The following CRTC3 variants were observed in gnomAD, a reference collection of about 807,000 sequenced individuals.
CRTC3 encodes CREB regulated transcription coactivator 3.
CRTC3 carries 26 observed loss-of-function variants against 74.5 expected under a neutral mutation model. The ratio of observed to expected loss-of-function variants is 0.35; its 90% CI spans 0.26 to 0.48. The LOEUF (loss-of-function observed/expected upper bound fraction) is 0.48, where lower values mean the gene tolerates loss of function less well. Among genes scored for constraint, CRTC3 ranks in the 20% least tolerant of loss-of-function variants. The pLI, the probability that CRTC3 is intolerant of heterozygous loss-of-function variation, is 0.99. For synonymous variants in CRTC3, 377 were observed against 325.8 expected (o/e 1.16, Z -1.69); for missense variants, 760 against 787.3 (o/e 0.97, Z 0.41).
chr15:90,608,128 T>C (rs1243270361), intron 6 of CRTC3, among the ~76,000 whole-genome samples: 1 of 152,096 alleles, frequency 6.6e-6, no homozygotes, highest in African/African-American at 2.4e-5. Flanking sequence ...ACCTGCTCAG[T>C]TGCCCCCTGG....
At chr15:90,564,324 A>G (rs1209018718) in intron 2 of CRTC3, among the ~76,000 whole-genome samples, 1 of 152,152 alleles carries the variant, frequency 6.6e-6, no homozygotes, top group Non-Finnish European at 1.5e-5. Context: ...AAAAGAAACC[A>G]TTTCCTGATT....
chr15:90,559,051 C>G (rs983377740), intron 2 of CRTC3, among the ~76,000 whole-genome samples: 10 of 152,070 alleles, frequency 6.6e-5, no homozygotes, highest in South Asian at 4.1e-4. Context: ...CGCGCCTGTC[C>G]TACTATGTAT....
At chr15:90,586,127 GT>G (rs1053007586) in intron 2 of CRTC3, among the ~76,000 whole-genome samples, 20 of 152,260 alleles carry the variant, frequency 1.3e-4, no homozygotes, top group African/African-American at 4.8e-4. Flanking sequence ...TCTTGCAGGA[GT>G]TTTATCACTT....
intron 10 of CRTC3, among the ~76,000 whole-genome samples, chr15:90,627,237 G>GT (rs1247027604): frequency 2.6e-5 from 4 of 152,222 alleles, no homozygotes; most frequent in Non-Finnish European, 4.4e-5. Flanking sequence ...CTTTATTTTT[G>GT]TTTTTTGGGT....
Position 90,644,874 on chromosome 15 carries a change from C to A in CRTC3, c.*2734C>A, listed in dbSNP as rs922063983. On this transcript the variant is annotated 3_prime_UTR_variant, in exon 15 of 15. Transcript: ENST00000268184. ...AAGAAATCGACCATTGTACTACTCT[C>A]ACTTACAGCAGTTAAACAGCATAGA... The A allele has an allele frequency of 2.6e-5, 6 of 232,326 alleles. No homozygotes were observed. Among genetic ancestry groups the A allele is most frequent in the Non-Finnish European group, 4.3e-5 (5 of 117,500 alleles). The allele number at this position is 232,326 out of a possible 1,614,324, so 14.4% of individuals were successfully genotyped here.
chr15:90,555,252 A>G (rs1966878365), intron 2 of CRTC3, among the ~76,000 whole-genome samples: 1 of 152,170 alleles, frequency 6.6e-6, no homozygotes, highest in African/African-American at 2.4e-5. Context: ...ATCTTGCCTA[A>G]ACATATATAG....
At chr15:90,627,004 T>C (rs1968860293) in intron 10 of CRTC3, among the ~76,000 whole-genome samples, 3 of 152,218 alleles carry the variant, frequency 2.0e-5, no homozygotes, top group Admixed American at 1.3e-4. Flanking sequence ...CAGAATTGTG[T>C]TGTGGAGCAT....
intron 2 of CRTC3, among the ~76,000 whole-genome samples, chr15:90,567,727 C>T (rs892812774): frequency 1.5e-5 from 1 of 65,742 alleles, no homozygotes; most frequent in African/African-American, 4.0e-5. Flanking sequence ...AAATATCACT[C>T]CTCGTTGACA....
chr15:90,597,434 C>T (rs1323932668), intron 3 of CRTC3, among the ~76,000 whole-genome samples: 2 of 152,170 alleles, frequency 1.3e-5, no homozygotes, highest in Non-Finnish European at 2.9e-5. Flanking sequence ...TGAAGAGATG[C>T]CTAAGACCTA....
intron 9 of CRTC3, 115 bp from the exon 10 acceptor site, chr15:90,625,661 C>T: frequency 1.1e-6 from 1 of 920,418 alleles, no homozygotes; most frequent in East Asian, 2.4e-5. Flanking sequence ...CGCACCAGGA[C>T]CTCGGTCTTT....
intron 2 of CRTC3, among the ~76,000 whole-genome samples, chr15:90,540,900 C>T (rs1381915863): frequency 6.6e-6 from 1 of 152,168 alleles, no homozygotes; most frequent in African/African-American, 2.4e-5. Flanking sequence ...TCTTTGAAAT[C>T]TGTTGTGTAT....
At chr15:90,575,532 C>T (rs1235094553) in intron 2 of CRTC3, among the ~76,000 whole-genome samples, 1 of 151,908 alleles carries the variant, frequency 6.6e-6, no homozygotes, top group African/African-American at 2.4e-5. Context: ...ATTTTTTTTC[C>T]ACTTTGCTAG....
intron 13 of CRTC3, among the ~76,000 whole-genome samples, chr15:90,640,687 AAAG>A (rs1969406108): frequency 6.6e-6 from 1 of 151,976 alleles, no homozygotes; most frequent in Non-Finnish European, 1.5e-5. Context: ...TTAAAAAAAA[AAAG>A]AAGAAAGAAA....
chr15:90,537,086 G>C (rs762914225), intron 1 of CRTC3, among the ~76,000 whole-genome samples: 1 of 152,112 alleles, frequency 6.6e-6, no homozygotes, highest in African/African-American at 2.4e-5. Context: ...ATCATTCTTT[G>C]GTTCACATGT....
chr15:90,626,961 T>C (rs146472445), intron 10 of CRTC3, among the ~76,000 whole-genome samples: 1 of 152,338 alleles, frequency 6.6e-6, no homozygotes, highest in East Asian at 1.9e-4. Context: ...CTCCCAGTGG[T>C]GCAGTACAGC....
intron 3 of CRTC3, among the ~76,000 whole-genome samples, chr15:90,600,134 T>A (rs1351883314): frequency 6.6e-6 from 1 of 152,214 alleles, no homozygotes; most frequent in Non-Finnish European, 1.5e-5. Context: ...TTGGAAATTA[T>A]CTGTTTTATT....
chr15:90,625,378 T>C (rs932968409), intron 9 of CRTC3, among the ~76,000 whole-genome samples: 4 of 152,222 alleles, frequency 2.6e-5, no homozygotes, highest in Admixed American at 2.6e-4. Context: ...TCTTGGAAGG[T>C]ATATTGGAAG....
chr15:90,623,027 G>A (rs1490874928), intron 9 of CRTC3, among the ~76,000 whole-genome samples: 2 of 152,122 alleles, frequency 1.3e-5, no homozygotes, highest in Non-Finnish European at 1.5e-5. Flanking sequence ...AGGCTGGCAG[G>A]AGTGAGTGCT....
rs1968595319 is a variant in CRTC3, at chr15:90,619,851, C to G, written c.749+61C>G. 4 of 1,390,812 alleles carry G rather than the reference C, an allele frequency of 2.9e-6. No individual in the cohort carries two copies. The African/African-American group carries it at 5.7e-5, about 20-fold the overall frequency. The allele number at this position is 1,390,812 out of a possible 1,614,324, so 86.2% of individuals were successfully genotyped here. Reference sequence around the variant, plus strand: ...TATCCTGAAGGTTTTTCCCAAAAGTCTCGCTGCTTTGTTACAGAACTCTCA... The same window carrying G: ...TATCCTGAAGGTTTTTCCCAAAAGTGTCGCTGCTTTGTTACAGAACTCTCA... On this transcript the variant is annotated intron_variant, in intron 9 of 14. Coordinates refer to ENST00000268184, the MANE Select transcript of CRTC3 (RefSeq NM_022769.5).
Sources: gnomAD v4.1 joint callset for allele counts (sites outside exome capture counted in the v4.1 genomes callset) on GRCh38, gnomAD v4.1.1 for gene constraint, MANE v1.5 for transcripts, NCBI Gene and HGNC (gene_info 2026-07-23, HGNC 2026-07-21) for gene names.